SNTG2: variants seen among roughly 807,000 people sequenced by gnomAD.
The protein encoded by SNTG2 is gamma-2-syntrophin.
SNTG2 carries 74 observed loss-of-function variants against 70.9 expected under a neutral mutation model. That is an observed-to-expected ratio of 1.04 (90% CI 0.86 to 1.27). The LOEUF (loss-of-function observed/expected upper bound fraction) is 1.27. Among genes scored for constraint, SNTG2 ranks in the 50% most tolerant of loss-of-function variants. SNTG2 has a pLI of 0.00. For missense variants in SNTG2, 717 were observed against 690.7 expected (o/e 1.04, Z -0.43); for synonymous variants, 278 against 273.8 (o/e 1.02, Z -0.15).
At chr2:1,350,868 T>C (rs1385654496) in intron 16 of SNTG2, among the ~76,000 whole-genome samples, 3 of 152,100 alleles carry the variant, frequency 2.0e-5, no homozygotes, top group South Asian at 2.1e-4. Flanking sequence ...AGGGACATGA[T>C]TGACTTGAAT....
At chr2:1,057,639 C>T (rs1572327993) in intron 1 of SNTG2, among the ~76,000 whole-genome samples, 1 of 152,158 alleles carries the variant, frequency 6.6e-6, no homozygotes, top group East Asian at 1.9e-4. Flanking sequence ...CTGTTTTTCC[C>T]AGTCCACTGA....
intron 1 of SNTG2, chr2:1,068,166 G>A (rs1166485273): frequency 2.0e-5 from 3 of 152,158 alleles, no homozygotes; most frequent in Non-Finnish European, 2.9e-5. Context: ...CAGGTATGAA[G>A]TAGCTAGTGT....
At chr2:959,234 G>A (rs1211744399) in intron 1 of SNTG2, among the ~76,000 whole-genome samples, 2 of 152,126 alleles carry the variant, frequency 1.3e-5, no homozygotes, top group African/African-American at 4.8e-5. Flanking sequence ...AACCCACTAG[G>A]AAACAGCTGC....
intron 1 of SNTG2, among the ~76,000 whole-genome samples, chr2:1,064,474 TA>T (rs1663025552): frequency 6.6e-6 from 1 of 151,118 alleles, no homozygotes. Context: ...TTTATATATA[TA>T]AAAATAAAGT....
chr2:1,194,052 C>A (rs1672757475), intron 8 of SNTG2, among the ~76,000 whole-genome samples: 1 of 152,228 alleles, frequency 6.6e-6, no homozygotes, highest in African/African-American at 2.4e-5. Flanking sequence ...CAGGTGTGCA[C>A]AGGGCAGGAA....
At chr2:1,239,804 T>C in intron 11 of SNTG2, 28 bp downstream of exon 11, 1 of 1,609,142 alleles carries the variant, frequency 6.2e-7, no homozygotes, top group South Asian at 1.1e-5. Context: ...TGCTTCATGA[T>C]GTAACACATC....
intron 9 of SNTG2, among the ~76,000 whole-genome samples, chr2:1,237,171 G>T (rs1676716629): frequency 6.6e-6 from 1 of 151,980 alleles, no homozygotes; most frequent in Admixed American, 6.6e-5. Flanking sequence ...TCGAACTCCT[G>T]ACCTCAAGTG....
chr2:1,074,207 C>T (rs1358150844), intron 1 of SNTG2, among the ~76,000 whole-genome samples: 1 of 152,198 alleles, frequency 6.6e-6, no homozygotes. Context: ...CATGTGTGAC[C>T]CTCGTCTGCC....
rs1194091746 is a variant in SNTG2 at position 1,353,330 on chromosome 2, A to G, written c.1489-14013A>G. On this transcript the variant is annotated intron_variant, in intron 16 of 16. Transcript: ENST00000308624. The surrounding 1 kb of genome is among the most constrained non-coding windows in gnomAD (Gnocchi z 4.2). ...CAGCCTCATCGTATAAACATAAGGA[A>G]GTGCCTGGGGCCCTGGCTTGGACTC... 1.3e-5 allele frequency among the ~76,000 whole-genome samples: 2 copies of G among 152,182 alleles called. No individual in the cohort carries two copies. Among genetic ancestry groups the G allele is most frequent in the Non-Finnish European group, 2.9e-5 (2 of 68,042 alleles).
intron 8 of SNTG2, among the ~76,000 whole-genome samples, chr2:1,173,613 A>T (rs986154464): frequency 2.6e-5 from 4 of 152,294 alleles, no homozygotes; most frequent in African/African-American, 9.6e-5. Context: ...CCCTCCCAAG[A>T]AAACCAGACT....
intron 4 of SNTG2, among the ~76,000 whole-genome samples, chr2:1,123,578 C>A (rs1434918775): frequency 6.6e-6 from 1 of 152,150 alleles, no homozygotes; most frequent in Non-Finnish European, 1.5e-5. Context: ...AAAGTCTTAA[C>A]TGTAAGATCA....
chr2:1,106,073 A>T (rs1666115033), intron 4 of SNTG2, among the ~76,000 whole-genome samples: 1 of 142,030 alleles, frequency 7.0e-6, no homozygotes, highest in Non-Finnish European at 1.5e-5. Flanking sequence ...GTAATAGTGG[A>T]CACCTGCTGT....
At chr2:1,300,722 C>T (rs1033492043) in intron 14 of SNTG2, among the ~76,000 whole-genome samples, 1 of 152,146 alleles carries the variant, frequency 6.6e-6, no homozygotes, top group Non-Finnish European at 1.5e-5. Flanking sequence ...GTCTATGATA[C>T]TTAAAAGGCT....
At chr2:1,228,199 G>A (rs954672269) in intron 9 of SNTG2, among the ~76,000 whole-genome samples, 6 of 152,220 alleles carry the variant, frequency 3.9e-5, no homozygotes, top group East Asian at 1.9e-4. Flanking sequence ...TCGAGCTGGC[G>A]GGGGGCCCTC....
chr2:1,221,329 GTC>G (rs564154612), intron 9 of SNTG2, among the ~76,000 whole-genome samples: 42 of 35,904 alleles, frequency 1.2e-3, no homozygotes, highest in African/African-American at 2.0e-3. Flanking sequence ...CCCTGTCTCT[GTC>G]TCTCTGTTGC....
chr2:1,002,161 C>A (rs7598827), intron 1 of SNTG2, among the ~76,000 whole-genome samples: 55,837 of 151,374 alleles, frequency 0.37, 10,726 homozygotes, highest in Middle Eastern at 0.53. Flanking sequence ...ATAAAAAAAC[C>A]AGAAGAAAAT....
At chr2:1,174,253 T>G (rs1671322741) in intron 8 of SNTG2, among the ~76,000 whole-genome samples, 1 of 151,490 alleles carries the variant, frequency 6.6e-6, no homozygotes, top group African/African-American at 2.4e-5. Flanking sequence ...CTGAATTTTG[T>G]GTTTGTCATT....
At chr2:1,049,356 C>T (rs1235897888) in intron 1 of SNTG2, among the ~76,000 whole-genome samples, 1 of 152,214 alleles carries the variant, frequency 6.6e-6, no homozygotes, top group Admixed American at 6.5e-5. Context: ...AGCCACTGAT[C>T]TCTTTACTAT....
intron 1 of SNTG2, among the ~76,000 whole-genome samples, chr2:965,078 G>GTCC (rs1034311361): frequency 6.6e-6 from 1 of 151,474 alleles, no homozygotes; most frequent in Non-Finnish European, 1.5e-5. Context: ...TAGTCCCCCA[G>GTCC]TCCTCCTCTG....
Sources: gnomAD v4.1 joint callset for allele counts (sites outside exome capture counted in the v4.1 genomes callset) on GRCh38, gnomAD v4.1.1 for gene constraint, Gnocchi (gnomAD v3.1) non-coding constraint, MANE v1.5 for transcripts, NCBI Gene and HGNC (gene_info 2026-07-23, HGNC 2026-07-21) for gene names.